AP3B1: variants seen among roughly 807,000 people sequenced by gnomAD.
AP3B1 encodes the protein adaptor related protein complex 3 subunit beta 1, also known as AP-3 complex subunit beta-1.
A neutral mutation model predicts 132.5 loss-of-function variants in AP3B1; 61 were observed. That is an observed-to-expected ratio of 0.46 (90% CI 0.37 to 0.57). The LOEUF (loss-of-function observed/expected upper bound fraction) is 0.57, where lower values mean the gene tolerates loss of function less well. Among genes scored for constraint, AP3B1 ranks in the 20% least tolerant of loss-of-function variants. The pLI is 0.00. For synonymous variants in AP3B1, 388 were observed against 438.3 expected, an observed-to-expected ratio of 0.89 and a Z score of 1.43; for missense variants, 1,120 against 1,289.4, an observed-to-expected ratio of 0.87 and a Z score of 2.01.
chr5:78,222,203 G>C (rs6453375), intron 6 of AP3B1: 50,870 of 152,632 alleles, frequency 0.33, 8,589 homozygotes, highest in Middle Eastern at 0.4. Flanking sequence ...TCAGTCTCAG[G>C]GGATCCAGTA....
At chr5:78,218,179 A>C (rs1376243348) in intron 6 of AP3B1, among the ~76,000 whole-genome samples, 1 of 152,126 alleles carries the variant, frequency 6.6e-6, no homozygotes, top group African/African-American at 2.4e-5. Context: ...ACCCTGGGCT[A>C]AACACTACAA....
intron 6 of AP3B1, among the ~76,000 whole-genome samples, chr5:78,221,753 T>G (rs1288938843): frequency 1.3e-5 from 2 of 151,652 alleles, no homozygotes; most frequent in East Asian, 3.9e-4. Context: ...ATAACAGAAT[T>G]AATATTTAAA....
At chr5:78,225,814 T>C (rs192554707) in intron 5 of AP3B1, among the ~76,000 whole-genome samples, 1 of 152,030 alleles carries the variant, frequency 6.6e-6, no homozygotes, top group African/African-American at 2.4e-5. Context: ...TCATATTAAC[T>C]AAACCAGATA....
intron 11 of AP3B1, among the ~76,000 whole-genome samples, chr5:78,171,646 G>A (rs1001302092): frequency 1.9e-4 from 29 of 152,154 alleles, no homozygotes; most frequent in Admixed American, 1.6e-3. Flanking sequence ...GGGCTGAGAC[G>A]ATGGGGTTTT....
intron 7 of AP3B1, among the ~76,000 whole-genome samples, chr5:78,215,266 T>C (rs1580497359): frequency 6.6e-6 from 1 of 151,916 alleles, no homozygotes; most frequent in Admixed American, 6.6e-5. Context: ...TTTAAAAAGA[T>C]AAGACATCAA....
At chr5:78,247,607 C>T (rs370175870) in intron 2 of AP3B1, among the ~76,000 whole-genome samples, 3 of 151,636 alleles carry the variant, frequency 2.0e-5, no homozygotes, top group Admixed American at 1.3e-4. Flanking sequence ...GTTCTTTATC[C>T]TAACCATACT....
intron 6 of AP3B1, among the ~76,000 whole-genome samples, chr5:78,220,433 A>G (rs1580503926): frequency 6.6e-6 from 1 of 151,910 alleles, no homozygotes; most frequent in African/African-American, 2.4e-5. Flanking sequence ...CCAGATAACT[A>G]TTTTCATGCT....
intron 2 of AP3B1, among the ~76,000 whole-genome samples, chr5:78,241,589 T>C (rs1747144097): frequency 6.6e-6 from 1 of 152,156 alleles, no homozygotes; most frequent in African/African-American, 2.4e-5. Flanking sequence ...TCTGCAACCA[T>C]TGCTTTTCAA....
At chr5:78,261,915 C>T (rs1304756615) in intron 2 of AP3B1, among the ~76,000 whole-genome samples, 3 of 152,026 alleles carry the variant, frequency 2.0e-5, no homozygotes, top group South Asian at 2.1e-4. Flanking sequence ...CCACACCTGG[C>T]TAATTTTTGT....
rs252786 is a variant in AP3B1, at chr5:78,055,940, G to C, written c.2578-16666C>G. 8.5e-3 allele frequency among the ~76,000 whole-genome samples: 1,288 copies of C among 152,194 alleles called. 9 individuals carry two copies. Among genetic ancestry groups the C allele is most frequent in the Non-Finnish European group, 0.014 (955 of 68,000 alleles). On this transcript the variant is annotated intron_variant, in intron 22 of 26. Transcript: ENST00000255194. ...ATCATAAGGCAAAGGAATCTAAGGGGAAGTCTGAATGCTACATCACAGGGG... is the reference window on the plus strand; with the variant it reads ...ATCATAAGGCAAAGGAATCTAAGGGCAAGTCTGAATGCTACATCACAGGGG...
chr5:78,128,232 GC>G, intron 16 of AP3B1, 72 bp from the exon 17 acceptor site: 1 of 1,353,346 alleles, frequency 7.4e-7, no homozygotes, highest in Non-Finnish European at 1.0e-6. Context: ...CATAATCAGA[GC>G]TCAAGGTAAT....
intron 2 of AP3B1, among the ~76,000 whole-genome samples, chr5:78,250,722 T>G (rs1747595483): frequency 6.6e-6 from 1 of 152,126 alleles, no homozygotes; most frequent in African/African-American, 2.4e-5. Context: ...AGAAAAACCA[T>G]GGGAAATATA....
chr5:78,055,016 GACACACACACACACACACAC>G (rs3050076), intron 22 of AP3B1, among the ~76,000 whole-genome samples: 2 of 144,644 alleles, frequency 1.4e-5, no homozygotes, highest in African/African-American at 5.1e-5. Context: ...CAGACCTACA[GACACACACACACACACACAC>G]ACACACACAC....
At chr5:78,067,679 A>G (rs145481725) in intron 22 of AP3B1, among the ~76,000 whole-genome samples, 68 of 152,340 alleles carry the variant, frequency 4.5e-4, no homozygotes, top group Middle Eastern at 3.4e-3. Context: ...TGGGTAAAAA[A>G]TTAAGGCAGA....
At chr5:78,021,830 G>A (rs1385222774) in intron 24 of AP3B1, among the ~76,000 whole-genome samples, 2 of 152,132 alleles carry the variant, frequency 1.3e-5, no homozygotes, top group Admixed American at 6.5e-5. Flanking sequence ...GTGGTGATGA[G>A]AGAGTGTTGA....
intron 7 of AP3B1, among the ~76,000 whole-genome samples, chr5:78,204,542 T>C (rs570623714): frequency 6.6e-6 from 1 of 152,330 alleles, no homozygotes; most frequent in East Asian, 1.9e-4. Context: ...ACTCCCTTAT[T>C]CCCCAAAGCA....
chr5:78,006,971 A>G lies in AP3B1; in HGVS notation c.3132-3916T>C, dbSNP rs190559224. ...TAAAAAAAAGTTTCATTCTTCTTAA[A>G]AAGTTATTTTGTCTTAACTATAGTC... On this transcript the variant is annotated intron_variant, in intron 26 of 26. Transcript: ENST00000255194. Among the ~76,000 whole-genome samples the G allele has an allele frequency of 1.7e-3, 263 of 152,362 alleles. 1 individual carries two copies. Among genetic ancestry groups the G allele is most frequent in the Non-Finnish European group, 2.8e-3 (191 of 68,032 alleles).
intron 7 of AP3B1, among the ~76,000 whole-genome samples, chr5:78,185,437 A>C (rs940797773): frequency 2.6e-5 from 4 of 152,228 alleles, no homozygotes; most frequent in African/African-American, 9.6e-5. Flanking sequence ...TAAAGTGGAG[A>C]GAAAAAAGAG....
Position 78,128,119 on chromosome 5 carries a change from T to C in AP3B1, c.1879A>G (p.Asn627Asp). The change falls in exon 17 of 27, where the codon AAC becomes GAC. Residue 627 changes from asparagine to aspartate, a missense_variant. Asn to Asp is a conservative substitution (Grantham distance 23). Around this residue, in one of 3 missense-constraint regions of AP3B1, gnomAD observed 906 missense variants for 997.1 expected, o/e 0.91. Transcript: ENST00000255194. ...TCCAGGTACCCAGTAGCTTTAATGT[T>C]GAGAGTATGAGATAAGGTGCCAAGC... ...FQLGTLSHTL[N>D]IKATGYLELS... is the part of the protein sequence containing the mutation. 1 of 1,612,112 alleles carries C rather than the reference T, an allele frequency of 6.2e-7. No homozygotes were observed. The highest frequency in any genetic ancestry group is 8.5e-7 in the Non-Finnish European group (1 of 1,178,314).
Sources: allele counts gnomAD v4.1 joint callset (sites outside exome capture counted in the v4.1 genomes callset), GRCh38; gene constraint gnomAD v4.1.1; regional missense constraint gnomAD v4.1.1; transcripts MANE v1.5; gene names NCBI Gene and HGNC (gene_info 2026-07-23, HGNC 2026-07-21).